Variants in COLEC12 observed in about 807,000 individuals in gnomAD.
COLEC12 encodes collectin-12.
A neutral mutation model predicts 71.1 loss-of-function variants in COLEC12; 33 were observed. The observed-to-expected ratio is 0.46, with a 90% confidence interval of 0.35 to 0.62. The LOEUF (loss-of-function observed/expected upper bound fraction) is 0.62. COLEC12 is among the 20% of genes least tolerant of loss of function. The pLI, the probability that COLEC12 is intolerant of heterozygous loss-of-function variation, is 0.00. For missense variants in COLEC12, 765 were observed against 916.1 expected (o/e 0.84, Z 2.13); for synonymous variants, 350 against 353.0 (o/e 0.99, Z 0.10).
At chr18:477,379 G>A (rs774775746) in intron 2 of COLEC12, among the ~76,000 whole-genome samples, 9 of 152,152 alleles carry the variant, frequency 5.9e-5, no homozygotes, top group South Asian at 2.1e-4. Flanking sequence ...AACTGACCTC[G>A]GGCTCTTCTG....
At chr18:417,528 CCA>C (rs972638044) in intron 2 of COLEC12, among the ~76,000 whole-genome samples, 1 of 152,010 alleles carries the variant, frequency 6.6e-6, no homozygotes, top group Non-Finnish European at 1.5e-5. Flanking sequence ...CACCGCCAAG[CCA>C]CAGTTCCCAA....
intron 2 of COLEC12, among the ~76,000 whole-genome samples, chr18:395,890 C>CG (rs1235840098): frequency 2.0e-5 from 3 of 152,288 alleles, no homozygotes; most frequent in African/African-American, 7.2e-5. Flanking sequence ...TATCTCGCAG[C>CG]GTGCGTCTGA....
chr18:386,208 C>G (rs1915342719), intron 2 of COLEC12, among the ~76,000 whole-genome samples: 1 of 152,136 alleles, frequency 6.6e-6, no homozygotes, highest in Non-Finnish European at 1.5e-5. Context: ...GATTATGTCC[C>G]TTTGAACTAC....
At chr18:394,878 T>C (rs146753153) in intron 2 of COLEC12, among the ~76,000 whole-genome samples, 2 of 152,202 alleles carry the variant, frequency 1.3e-5, no homozygotes, top group Non-Finnish European at 2.9e-5. Flanking sequence ...TCTGGGAGAA[T>C]ACACCAGTCC....
chr18:358,494 C>G (rs183605411), intron 2 of COLEC12, among the ~76,000 whole-genome samples: 2 of 152,158 alleles, frequency 1.3e-5, no homozygotes, highest in African/African-American at 4.8e-5. Context: ...TTATAAGGAG[C>G]GCACAACCTA....
intron 2 of COLEC12, among the ~76,000 whole-genome samples, chr18:441,019 C>T (rs2621191): frequency 0.9 from 136,208 of 150,682 alleles, 62,091 homozygotes; most frequent in East Asian, 1. Context: ...GAGGCCGAGG[C>T]GGGTGGATCA....
chr18:442,947 C>T lies in COLEC12; in HGVS notation c.58+37760G>A, dbSNP rs555916729. On this transcript the variant is annotated intron_variant, in intron 2 of 9. Transcript: ENST00000400256. Reference sequence around the variant, plus strand: ...CTGCACTCCAGCCTGGGCGACAGAGCGAGACTCTGTCTCAAAAAAATAAAT... The same window carrying T: ...CTGCACTCCAGCCTGGGCGACAGAGTGAGACTCTGTCTCAAAAAAATAAAT... Among the ~76,000 whole-genome samples the T allele has an allele frequency of 2.1e-3, 320 of 152,264 alleles. 3 individuals carry two copies. The highest frequency in any genetic ancestry group is 7.1e-3 in the African/African-American group (293 of 41,554).
At chr18:481,008 G>C (rs77655507) in intron 1 of COLEC12, among the ~76,000 whole-genome samples, 9,883 of 152,076 alleles carry the variant, frequency 0.065, 553 homozygotes, top group Non-Finnish European at 0.093. Flanking sequence ...GCGACCCTTC[G>C]AGATGCCTTT....
intron 2 of COLEC12, among the ~76,000 whole-genome samples, chr18:388,365 T>G (rs1261617256): frequency 6.6e-6 from 1 of 152,234 alleles, no homozygotes; most frequent in Non-Finnish European, 1.5e-5. Flanking sequence ...GTATAATCTC[T>G]AACTAAATCC....
At chr18:337,607 A>G (rs1914147920) in intron 5 of COLEC12, among the ~76,000 whole-genome samples, 1 of 152,168 alleles carries the variant, frequency 6.6e-6, no homozygotes, top group Admixed American at 6.5e-5. Context: ...GAGACTTTAG[A>G]AGACTTAGGG....
intron 2 of COLEC12, among the ~76,000 whole-genome samples, chr18:379,795 A>C (rs55663637): frequency 0.015 from 2,214 of 152,270 alleles, 56 homozygotes; most frequent in African/African-American, 0.05. Flanking sequence ...CAGATGAATA[A>C]GGGAGGAGTT....
intron 2 of COLEC12, among the ~76,000 whole-genome samples, chr18:381,224 T>C (rs963011566): frequency 3.6e-4 from 55 of 152,308 alleles, no homozygotes; most frequent in African/African-American, 1.1e-3. Flanking sequence ...TATTGAGACA[T>C]ACTTCTGCTC....
chr18:364,061 G>T (rs551414747), intron 2 of COLEC12, among the ~76,000 whole-genome samples: 4 of 152,276 alleles, frequency 2.6e-5, no homozygotes, highest in South Asian at 2.1e-4. Flanking sequence ...ACTCTTCGAC[G>T]TTCATGCTGA....
chr18:337,224 G>A (rs899024688), intron 5 of COLEC12, among the ~76,000 whole-genome samples: 4 of 151,204 alleles, frequency 2.6e-5, no homozygotes, highest in Non-Finnish European at 5.9e-5. Flanking sequence ...TAGAAGTGCT[G>A]GAGCAATGGA....
At chr18:369,353 C>T (rs758688022) in intron 2 of COLEC12, among the ~76,000 whole-genome samples, 2 of 150,206 alleles carry the variant, frequency 1.3e-5, no homozygotes, top group African/African-American at 2.4e-5. Context: ...CATGAAGCAT[C>T]GTTCCTTTCC....
intron 2 of COLEC12, among the ~76,000 whole-genome samples, chr18:402,085 TTTGAACAAAGAA>T (rs1915698630): frequency 6.6e-6 from 1 of 152,150 alleles, no homozygotes; most frequent in African/African-American, 2.4e-5. Context: ...TTCTTGGTGT[TTTGAACAAAGAA>T]TTGGACAAAA....
At chr18:491,745 T>C (rs1483564808) in intron 1 of COLEC12, among the ~76,000 whole-genome samples, 3 of 152,212 alleles carry the variant, frequency 2.0e-5, no homozygotes, top group African/African-American at 4.8e-5. Context: ...CTTCAGCAAA[T>C]TGGCACTGAA....
intron 2 of COLEC12, chr18:424,065 G>C (rs16944356): frequency 0.074 from 11,212 of 152,272 alleles, 573 homozygotes; most frequent in Admixed American, 0.16. Flanking sequence ...ATCTTTTAGA[G>C]AGAGAAAACA....
At chr18:472,525 A>T (rs112821359) in intron 2 of COLEC12, among the ~76,000 whole-genome samples, 4,017 of 151,722 alleles carry the variant, frequency 0.026, 74 homozygotes, top group Middle Eastern at 0.051. Context: ...ACAGAAAAAA[A>T]TTTTTTTAAA....
Sources: gnomAD v4.1 joint callset for allele counts (sites outside exome capture counted in the v4.1 genomes callset) on GRCh38, gnomAD v4.1.1 for gene constraint, MANE v1.5 for transcripts, NCBI Gene and HGNC (gene_info 2026-07-23, HGNC 2026-07-21) for gene names.